PSME3IP1: variants seen among roughly 807,000 people sequenced by gnomAD.
The protein encoded by PSME3IP1 is PSME3-interacting protein.
PSME3IP1 carries 13 observed loss-of-function variants against 34.1 expected under a neutral mutation model. The ratio of observed to expected loss-of-function variants is 0.38; its 90% confidence interval spans 0.25 to 0.61. The LOEUF is 0.61. Ranked by LOEUF, PSME3IP1 falls within the 20% of genes least tolerant of loss-of-function variation. PSME3IP1 has a pLI of 0.60. For synonymous variants in PSME3IP1, 93 were observed against 114.3 expected, an observed-to-expected ratio of 0.81 and a Z score of 1.19; for missense variants, 237 against 301.4, an observed-to-expected ratio of 0.79 and a Z score of 1.58.
At chr16:57,165,964 G>A (rs2145656367) in intron 5 of PSME3IP1, among the ~76,000 whole-genome samples, 1 of 151,878 alleles carries the variant, frequency 6.6e-6, no homozygotes, top group Non-Finnish European at 1.5e-5. Context: ...ACTGACCCAG[G>A]TCCAAATCCT....
In PSME3IP1 at chr16:57,172,741, A is replaced by G. The variant is rs1486671547; in HGVS notation, c.226+35T>C. On this transcript the variant is annotated intron_variant, in intron 3 of 6. Transcript: ENST00000309137. ...CAAAAGTGCGTCAAAAGTACCCCAC[A>G]GAGCCCCTTGAACTCTCTGTTTTCT... 2.0e-6 allele frequency: 3 copies of G among 1,476,582 alleles called. No individual in the cohort carries two copies. The Admixed American group carries it at 5.0e-5, about 25-fold the overall frequency. 91.5% of individuals were successfully genotyped at this position (1,476,582 alleles called of 1,614,324 possible).
intron 1 of PSME3IP1, chr16:57,175,028 T>C (rs1469185476): frequency 2.0e-5 from 3 of 151,990 alleles, no homozygotes; most frequent in Non-Finnish European, 4.4e-5. Flanking sequence ...TTTTTTTTTT[T>C]TTTTGAGATG....
intron 6 of PSME3IP1, among the ~76,000 whole-genome samples, chr16:57,159,409 A>G (rs2070956644): frequency 6.6e-6 from 1 of 152,238 alleles, no homozygotes; most frequent in African/African-American, 2.4e-5. Flanking sequence ...ACAGAAAATT[A>G]CTAATAGAGA....
intron 4 of PSME3IP1, among the ~76,000 whole-genome samples, chr16:57,172,020 C>T (rs2072642236): frequency 6.6e-6 from 1 of 152,178 alleles, no homozygotes; most frequent in South Asian, 2.1e-4. Flanking sequence ...GGATTGATGC[C>T]TTGAGTTAAC....
At chr16:57,165,127 CAT>C (rs1197582974) in intron 5 of PSME3IP1, among the ~76,000 whole-genome samples, 1 of 150,734 alleles carries the variant, frequency 6.6e-6, no homozygotes, top group Non-Finnish European at 1.5e-5. Context: ...AAAAGAGAAA[CAT>C]ATTTTGCAGC....
chr16:57,186,018 T>TCAC lies in PSME3IP1; in HGVS notation c.-214_-213insGTG. 1.0e-6 allele frequency: 1 copy of TCAC among 984,948 alleles called. No individual in the cohort carries two copies. Among genetic ancestry groups the TCAC allele is most frequent in the South Asian group, 4.7e-5 (1 of 21,272 alleles). The allele number at this position is 984,948 out of a possible 1,614,324, so 61.0% of individuals were successfully genotyped here. ...GTATTTCTTTTGACCCTTCAGGGCT[T>TCAC]CCTGTTCCTCACCGCCACAATAGAG... On this transcript the variant is annotated 5_prime_UTR_variant, in exon 1 of 7. Transcript: ENST00000309137.
At chr16:57,180,293 T>C (rs2073576820) in intron 1 of PSME3IP1, among the ~76,000 whole-genome samples, 1 of 152,136 alleles carries the variant, frequency 6.6e-6, no homozygotes, top group Admixed American at 6.6e-5. Context: ...ATGAAACACA[T>C]ACAATAAGAA....
At chr16:57,166,623 C>T (rs1293729234) in intron 5 of PSME3IP1, among the ~76,000 whole-genome samples, 1 of 152,140 alleles carries the variant, frequency 6.6e-6, no homozygotes, top group Non-Finnish European at 1.5e-5. Flanking sequence ...TCCTTGCTCT[C>T]AGTACACCCT....
chr16:57,174,618 A>C, intron 1 of PSME3IP1: 1 of 985,328 alleles, frequency 1.0e-6, no homozygotes, highest in Non-Finnish European at 1.2e-6. Context: ...ATCTTGATTC[A>C]CCTGCTCTTG....
At chr16:57,177,659 A>T (rs1443868769) in intron 1 of PSME3IP1, among the ~76,000 whole-genome samples, 2 of 152,220 alleles carry the variant, frequency 1.3e-5, no homozygotes, top group African/African-American at 4.8e-5. Context: ...GTGTCCTGAA[A>T]ACACAGTCAC....
chr16:57,160,165 C>T (rs2071057057), intron 6 of PSME3IP1, among the ~76,000 whole-genome samples: 1 of 152,106 alleles, frequency 6.6e-6, no homozygotes, highest in Non-Finnish European at 1.5e-5. Flanking sequence ...TGGCGGGCGC[C>T]TGTAGTCCCA....
At chr16:57,167,383 A>C in intron 4 of PSME3IP1, 157 bp from the exon 5 acceptor site, 1 of 854,884 alleles carries the variant, frequency 1.2e-6, no homozygotes, top group Non-Finnish European at 1.9e-6. Context: ...ATTCAAAGAT[A>C]AATGAAAGAG....
Position 57,163,848 on chromosome 16 carries a change from TC to T in PSME3IP1, c.547+152del, listed in dbSNP as rs2071549652. Among the ~76,000 whole-genome samples, 8 of 152,218 alleles carry T rather than the reference TC, an allele frequency of 5.3e-5. No homozygotes were observed. The South Asian group carries it at 1.4e-3, about 28-fold the overall frequency. On this transcript the variant is annotated intron_variant, in intron 6 of 6. Transcript: ENST00000309137. Reference sequence around the variant, plus strand: ...TATAAACTCTGGCCTGGTAATAAAATCCTGCCTGGCATAAAAAAGTTGGGTA... The same window carrying T: ...TATAAACTCTGGCCTGGTAATAAAATCTGCCTGGCATAAAAAAGTTGGGTA...
intron 4 of PSME3IP1, among the ~76,000 whole-genome samples, chr16:57,168,044 C>A (rs1014399268): frequency 5.9e-5 from 9 of 152,140 alleles, no homozygotes; most frequent in African/African-American, 2.2e-4. Flanking sequence ...TTCACTTGTT[C>A]CCTCCACCAG....
chr16:57,184,482 C>G (rs2073990650), intron 1 of PSME3IP1, among the ~76,000 whole-genome samples: 1 of 152,110 alleles, frequency 6.6e-6, no homozygotes, highest in African/African-American at 2.4e-5. Flanking sequence ...ACAATCTTAA[C>G]AACATATTCT....
intron 1 of PSME3IP1, among the ~76,000 whole-genome samples, chr16:57,177,310 T>C (rs1468491410): frequency 1.3e-5 from 2 of 151,302 alleles, no homozygotes; most frequent in Non-Finnish European, 2.9e-5. Flanking sequence ...GCCTCCCGAA[T>C]AGCTGGGACT....
chr16:57,177,953 C>T (rs559953596), intron 1 of PSME3IP1, among the ~76,000 whole-genome samples: 34 of 152,064 alleles, frequency 2.2e-4, no homozygotes, highest in Non-Finnish European at 4.0e-4. Flanking sequence ...CGCACCACTG[C>T]GCTCTAGCCT....
At chr16:57,155,404 C>T (rs2070399211) in intron 6 of PSME3IP1, among the ~76,000 whole-genome samples, 1 of 152,174 alleles carries the variant, frequency 6.6e-6, no homozygotes, top group Admixed American at 6.5e-5. Flanking sequence ...AGGAGGACCA[C>T]TTGAGGTCAG....
rs139834648 is a variant in PSME3IP1 at position 57,168,696 on chromosome 16, G to A, written c.349-1470C>T. Among the ~76,000 whole-genome samples, 642 of 151,220 alleles carry A rather than the reference G, an allele frequency of 4.2e-3. 7 individuals are homozygous for A. The highest frequency in any genetic ancestry group is 0.015 in the African/African-American group (609 of 41,166). Reference sequence around the variant, plus strand: ...CACATTCCTGTAATCCCAGCTAGTCGGGAGGCTGAGCCAGGAGAATCGCTT... The same window carrying A: ...CACATTCCTGTAATCCCAGCTAGTCAGGAGGCTGAGCCAGGAGAATCGCTT... On this transcript the variant is annotated intron_variant, in intron 4 of 6. Transcript: ENST00000309137.
Sources: gnomAD v4.1 joint callset for allele counts (sites outside exome capture counted in the v4.1 genomes callset) on GRCh38, gnomAD v4.1.1 for gene constraint, MANE v1.5 for transcripts, NCBI Gene and HGNC (gene_info 2026-07-23, HGNC 2026-07-21) for gene names.